Variants in TNKS2 observed in about 807,000 individuals in gnomAD.
TNKS2 encodes the protein poly [ADP-ribose] polymerase tankyrase-2.
TNKS2 carries 72 observed loss-of-function variants against 137.6 expected under a neutral mutation model. That is an observed-to-expected ratio of 0.52 (90% CI 0.43 to 0.64). The LOEUF is 0.64. TNKS2 is among the 30% of genes least tolerant of loss of function. The pLI is 0.00. For missense variants in TNKS2, 1,049 were observed against 1,410.2 expected, an observed-to-expected ratio of 0.74 and a Z score of 4.10; for synonymous variants, 516 against 512.1, an observed-to-expected ratio of 1.01 and a Z score of -0.10.
At chr10:91,848,910 C>T (rs1008319099) in intron 19 of TNKS2, among the ~76,000 whole-genome samples, 1 of 152,168 alleles carries the variant, frequency 6.6e-6, no homozygotes, top group African/African-American at 2.4e-5. Flanking sequence ...GATCTCGGCT[C>T]ACTGCAACCT....
intron 25 of TNKS2, among the ~76,000 whole-genome samples, chr10:91,859,939 TGTAGCCCTTG>T (rs1842809360): frequency 6.6e-6 from 1 of 152,194 alleles, no homozygotes; most frequent in Non-Finnish European, 1.5e-5. Context: ...GAGGCTTTAT[TGTAGCCCTTG>T]AGTATTGTAG....
chr10:91,841,128 G>T (rs1842198855), intron 14 of TNKS2, among the ~76,000 whole-genome samples, 155 bp from the exon 15 acceptor site: 1 of 152,096 alleles, frequency 6.6e-6, no homozygotes, highest in African/African-American at 2.4e-5. Flanking sequence ...TCACCAAAAA[G>T]AACTTATTTC....
At position 91,862,090 on chromosome 10, in the gene TNKS2, G is replaced by A; in HGVS notation, c.3373G>A (p.Val1125Ile). Residue 1125 changes from valine (V) to isoleucine (I), a missense_variant, in exon 26 of 27, where the codon GTC becomes ATC. This residue lies in a region of TNKS2 where 133 missense variants were observed against 248.4 expected (regional missense o/e 0.54). Transcript: ENST00000371627. ...MAHSPPGHHS[V>I]TGRPSVNGLA... ...ACATTCTCCTCCAGGTCATCACTCA[G>A]TCACTGGTAGGCCCAGTGTAAATGG... 1 of 1,613,252 alleles carries A rather than the reference G, an allele frequency of 6.2e-7. No homozygotes were observed. The highest frequency in any genetic ancestry group is 8.5e-7 in the Non-Finnish European group (1 of 1,179,472).
intron 12 of TNKS2, 27 bp downstream of exon 12, chr10:91,834,051 T>C: frequency 2.7e-6 from 4 of 1,494,904 alleles, no homozygotes; most frequent in South Asian, 2.8e-5. Context: ...TGAAATTGAT[T>C]TTTTTAAATT....
intron 1 of TNKS2, among the ~76,000 whole-genome samples, chr10:91,811,585 G>C (rs932725509): frequency 6.6e-6 from 1 of 152,018 alleles, no homozygotes; most frequent in African/African-American, 2.4e-5. Flanking sequence ...TGACCACAGA[G>C]CCCAGCAATG....
chr10:91,809,271 A>C (rs886559595), intron 1 of TNKS2, among the ~76,000 whole-genome samples: 1 of 152,238 alleles, frequency 6.6e-6, no homozygotes, highest in Non-Finnish European at 1.5e-5. Flanking sequence ...AGCTGGGAAT[A>C]GGGGTGGGAG....
intron 17 of TNKS2, 32 bp from the exon 18 acceptor site, chr10:91,845,720 T>C: frequency 7.1e-7 from 1 of 1,418,324 alleles, no homozygotes; most frequent in Non-Finnish European, 9.3e-7. Flanking sequence ...CAAAATAATA[T>C]TTCAGACTGT....
chr10:91,831,551 T>G (rs1391680944), intron 11 of TNKS2, among the ~76,000 whole-genome samples: 1 of 152,178 alleles, frequency 6.6e-6, no homozygotes, highest in Non-Finnish European at 1.5e-5. Context: ...AACCACCGTT[T>G]TTGTTTCTGT....
chr10:91,822,144 G>T, intron 6 of TNKS2, 152 bp from the exon 7 acceptor site: 1 of 570,694 alleles, frequency 1.8e-6, no homozygotes, highest in Non-Finnish European at 2.9e-6. Flanking sequence ...GGGTTCAAAT[G>T]GATGTTACTA....
At chr10:91,851,920 A>G (rs1039610830) in intron 21 of TNKS2, among the ~76,000 whole-genome samples, 1 of 152,222 alleles carries the variant, frequency 6.6e-6, no homozygotes, top group Non-Finnish European at 1.5e-5. Context: ...ACTTTATACC[A>G]GGTCTGGGTA....
At chr10:91,862,843 A>G in intron 26 of TNKS2, 94 bp from the exon 27 acceptor site, 1 of 804,554 alleles carries the variant, frequency 1.2e-6, no homozygotes, top group Non-Finnish European at 2.0e-6. Flanking sequence ...GTAATTTAGA[A>G]CCTCCTCCCT....
intron 14 of TNKS2, among the ~76,000 whole-genome samples, chr10:91,840,954 C>T (rs1170332439): frequency 6.6e-6 from 1 of 152,088 alleles, no homozygotes; most frequent in African/African-American, 2.4e-5. Flanking sequence ...GTGATATTGA[C>T]TTTTAATGTA....
chr10:91,805,190 A>G (rs1444055852), intron 1 of TNKS2, among the ~76,000 whole-genome samples: 1 of 151,832 alleles, frequency 6.6e-6, no homozygotes, highest in Non-Finnish European at 1.5e-5. Context: ...GGCTTCAAAC[A>G]TTAAAATCTC....
chr10:91,862,222 T>C, intron 26 of TNKS2, 67 bp downstream of exon 26: 1 of 1,292,238 alleles, frequency 7.7e-7, no homozygotes, highest in Non-Finnish European at 1.0e-6. Flanking sequence ...TTTATTAATC[T>C]CTTGAATTGA....
chr10:91,807,525 C>T (rs1844364437), intron 1 of TNKS2: 7 of 1,252,512 alleles, frequency 5.6e-6, no homozygotes, highest in East Asian at 4.7e-5. Context: ...CGCCAACCGA[C>T]GCGAGTCCTG....
At chr10:91,846,188 A>G (rs1351609593) in intron 18 of TNKS2, among the ~76,000 whole-genome samples, 1 of 152,250 alleles carries the variant, frequency 6.6e-6, no homozygotes, top group Non-Finnish European at 1.5e-5. Flanking sequence ...AAAAAGAAGT[A>G]CATGATATAA....
At chr10:91,835,841 C>T (rs1422218196) in intron 12 of TNKS2, among the ~76,000 whole-genome samples, 1 of 150,260 alleles carries the variant, frequency 6.7e-6, no homozygotes, top group Non-Finnish European at 1.5e-5. Flanking sequence ...CTCCTGACCT[C>T]AAGTAATCTG....
intron 16 of TNKS2, among the ~76,000 whole-genome samples, chr10:91,844,642 T>C (rs1251826476): frequency 2.0e-5 from 3 of 152,210 alleles, no homozygotes; most frequent in African/African-American, 4.8e-5. Flanking sequence ...AATATAATTT[T>C]GGGAATCTAC....
chr10:91,806,464 A>G (rs1483228522), intron 1 of TNKS2, among the ~76,000 whole-genome samples: 2 of 152,144 alleles, frequency 1.3e-5, no homozygotes, highest in East Asian at 1.9e-4. Context: ...TGGTTTCAGT[A>G]CATTATAGCA....
Sources: gnomAD v4.1 joint callset for allele counts (sites outside exome capture counted in the v4.1 genomes callset) on GRCh38, gnomAD v4.1.1 for gene constraint, gnomAD v4.1.1 regional missense constraint, MANE v1.5 for transcripts, NCBI Gene and HGNC (gene_info 2026-07-23, HGNC 2026-07-21) for gene names.